The following FKBP14 variants were observed in gnomAD, a reference collection of about 807,000 sequenced individuals.
The protein encoded by FKBP14 is peptidyl-prolyl cis-trans isomerase FKBP14.
In FKBP14, 20 loss-of-function variants were observed where a neutral mutation model predicts 21.6. The observed-to-expected ratio is 0.92, with a 90% confidence interval of 0.65 to 1.34. The LOEUF (loss-of-function observed/expected upper bound fraction) is 1.34, where lower values mean the gene tolerates loss of function less well. FKBP14 is among the 40% of genes most tolerant of loss of function. The pLI is 0.00. For synonymous variants in FKBP14, 79 were observed against 86.7 expected (o/e 0.91, Z 0.49); for missense variants, 253 against 249.0 (o/e 1.02, Z -0.11).
Position 30,019,222 on chromosome 7 carries a change from A to G in FKBP14, c.350-99T>C. The G allele has an allele frequency of 3.4e-6, 4 of 1,173,494 alleles. No individual in the cohort carries two copies. In the South Asian group the frequency reaches 6.1e-5, roughly 18 times the overall value. 72.7% of individuals were successfully genotyped at this position (1,173,494 alleles called of 1,614,324 possible). ...ACAAAGTATTTTTTTTAACTGAATT[A>G]AAGAGCCTTCCTAAGATTGTCATAT... is the stretch of plus-strand genomic sequence containing the variant. On this transcript the variant is annotated intron_variant, in intron 2 of 3. Transcript: ENST00000222803.
At chr7:30,008,833 G>A (rs533148735), downstream of FKBP14, among the ~76,000 whole-genome samples, 58 of 152,060 alleles carry the variant, frequency 3.8e-4, 1 homozygote, top group Middle Eastern at 3.4e-3. Context: ...AAAATTAGCC[G>A]GGCGTGGTGG....
intron 1 of FKBP14, 96 bp downstream of exon 1, chr7:30,026,216 G>A: frequency 1.6e-6 from 2 of 1,217,370 alleles, no homozygotes; most frequent in Non-Finnish European, 2.3e-6. Flanking sequence ...TTGTAAAAGA[G>A]GCAAAACCAG....
At chr7:30,021,888 T>C (rs1790039898) in intron 2 of FKBP14, among the ~76,000 whole-genome samples, 1 of 152,050 alleles carries the variant, frequency 6.6e-6, no homozygotes, top group Admixed American at 6.6e-5. Context: ...AAGCAGCTCT[T>C]TGGAAAGTTG....
At chr7:30,008,941 C>T (rs955164172), downstream of FKBP14, among the ~76,000 whole-genome samples, 7 of 149,378 alleles carry the variant, frequency 4.7e-5, no homozygotes, top group African/African-American at 7.4e-5. Flanking sequence ...AGCGAGAATC[C>T]GTCTCCAAAA....
intron 2 of FKBP14, among the ~76,000 whole-genome samples, 175 bp from the exon 3 acceptor site, chr7:30,019,298 G>A (rs556979710): frequency 1.3e-5 from 2 of 152,074 alleles, no homozygotes; most frequent in African/African-American, 4.8e-5. Flanking sequence ...TAGAGTAAAA[G>A]AAGAAATAAT....
chr7:30,021,524 A>G (rs1181775559), intron 2 of FKBP14, among the ~76,000 whole-genome samples: 1 of 151,922 alleles, frequency 6.6e-6, no homozygotes, highest in Non-Finnish European at 1.5e-5. Flanking sequence ...GTTTGAAGGA[A>G]TTATAGAATA....
At chr7:30,017,176 C>CA (rs773478588) in intron 3 of FKBP14, among the ~76,000 whole-genome samples, 1,836 of 111,138 alleles carry the variant, frequency 0.017, 19 homozygotes, top group South Asian at 0.04. Flanking sequence ...CTCATCTCTA[C>CA]AAAAAAAAAA....
downstream of FKBP14, among the ~76,000 whole-genome samples, chr7:30,009,447 G>T (rs1789674888): frequency 6.6e-6 from 1 of 152,072 alleles, no homozygotes; most frequent in South Asian, 2.1e-4. Context: ...TGACCAGGTT[G>T]GTCTCGAGCA....
chr7:30,017,470 G>A (rs1200551782), intron 3 of FKBP14, among the ~76,000 whole-genome samples: 1 of 151,826 alleles, frequency 6.6e-6, no homozygotes, highest in South Asian at 2.1e-4. Flanking sequence ...CTGGCAGGCC[G>A]AGGCAGGAGA....
chr7:30,021,566 T>G (rs1790031785), intron 2 of FKBP14, among the ~76,000 whole-genome samples: 2 of 152,040 alleles, frequency 1.3e-5, no homozygotes, highest in Admixed American at 1.3e-4. Flanking sequence ...ACCTCTTTTT[T>G]TTTTTTTGAG....
chr7:30,021,696 T>C (rs1790034992), intron 2 of FKBP14, among the ~76,000 whole-genome samples: 3 of 151,996 alleles, frequency 2.0e-5, no homozygotes, highest in Admixed American at 2.0e-4. Context: ...ACTGGGATTA[T>C]AGGTGCACTC....
In FKBP14 at chr7:30,026,433, C is replaced by A; in HGVS notation, c.76G>T (p.Glu26Ter). The A allele has an allele frequency of 6.2e-7, 1 of 1,614,154 alleles. No homozygotes were observed. ...SLIGALIPEPEVKIEVLQKPF... is the reference protein window; with the variant it reads ...SLIGALIPEP The stretch of plus-strand genomic sequence containing the variant: ...TTCTGGAGAACTTCAATTTTCACTT[C>A]TGGTTCAGGGATCAAAGCCCCAATC... Residue 26 changes from glutamate (E) to a stop codon, truncating the protein, a stop_gained, in exon 1 of 4, where the codon GAA becomes TAA. Coordinates refer to ENST00000222803, the MANE Select transcript of FKBP14 (RefSeq NM_017946.4). LOFTEE classifies it high-confidence loss of function.
At chr7:30,023,455 G>T (rs1790088484) in intron 1 of FKBP14, among the ~76,000 whole-genome samples, 1 of 152,192 alleles carries the variant, frequency 6.6e-6, no homozygotes, top group Admixed American at 6.5e-5. Flanking sequence ...CCTGCTGATG[G>T]CTCTGACGGG....
chr7:30,020,371 A>T (rs552645782), intron 2 of FKBP14: 1 of 792,120 alleles, frequency 1.3e-6, no homozygotes, highest in East Asian at 7.0e-5. Flanking sequence ...GAAGGAAATG[A>T]CTCAAATTTA....
chr7:30,007,214 T>G (rs1309473705), downstream of FKBP14, among the ~76,000 whole-genome samples: 1 of 146,168 alleles, frequency 6.8e-6, no homozygotes, highest in African/African-American at 2.5e-5. Flanking sequence ...TTCCTTTGTT[T>G]TTTTTTTTTT....
At chr7:30,025,294 A>G (rs1790144652) in intron 1 of FKBP14, 1 of 152,232 alleles carries the variant, frequency 6.6e-6, no homozygotes, top group African/African-American at 2.4e-5. Context: ...CATGGAGCCT[A>G]ACTACTTCAG....
chr7:30,019,201 A>G, intron 2 of FKBP14, 78 bp from the exon 3 acceptor site: 1 of 1,436,920 alleles, frequency 7.0e-7, no homozygotes, highest in South Asian at 1.3e-5. Context: ...TAATGGACAA[A>G]GTATTTTTTT....
In FKBP14 at chr7:30,026,374, C is replaced by T; in HGVS notation, c.135G>A (p.Gly45=). 6.2e-7 allele frequency: 1 copy of T among 1,614,076 alleles called. No individual in the cohort carries two copies. Residue 45 remains glycine (G), a synonymous_variant, in exon 1 of 4, where the codon GGG becomes GGA. Coordinates refer to ENST00000222803, the MANE Select transcript of FKBP14 (RefSeq NM_017946.4). ...PFICHRKTKG[G]DLMLVHYEGY... ...CTTCATAGTGGACCAACATCAAATC[C>T]CCTCCTTTGGTCTTGCGATGGCAGA...
In FKBP14 at chr7:30,016,241, T is replaced by A. The variant is rs146740898; in HGVS notation, c.478-1348A>T. 4.1e-4 allele frequency among the ~76,000 whole-genome samples: 62 copies of A among 152,186 alleles called. 1 individual carries two copies. The highest frequency in any genetic ancestry group is 1.3e-3 in the African/African-American group (56 of 41,522). ...CTTAAAACTAGATTAAATAGTGGCATCTTTGACTTGAATAAATGTCTGCAA... is the reference window on the plus strand; with the variant it reads ...CTTAAAACTAGATTAAATAGTGGCAACTTTGACTTGAATAAATGTCTGCAA... On this transcript the variant is annotated intron_variant, in intron 3 of 3. Coordinates refer to ENST00000222803, the MANE Select transcript of FKBP14 (RefSeq NM_017946.4).
Sources: allele counts gnomAD v4.1 joint callset (sites outside exome capture counted in the v4.1 genomes callset), GRCh38; gene constraint gnomAD v4.1.1; transcripts MANE v1.5; gene names NCBI Gene and HGNC (gene_info 2026-07-23, HGNC 2026-07-21).